The following ZDHHC15 variants were observed in gnomAD, a reference collection of about 807,000 sequenced individuals.
ZDHHC15 encodes palmitoyltransferase ZDHHC15.
In ZDHHC15, 19 loss-of-function variants were observed where a neutral mutation model predicts 31.7. The ratio of observed to expected loss-of-function variants is 0.60; its 90% CI spans 0.42 to 0.88. The LOEUF (loss-of-function observed/expected upper bound fraction) is 0.88, where lower values mean the gene tolerates loss of function less well. ZDHHC15 is among the 40% of genes least tolerant of loss of function. The pLI is 0.00. For missense variants in ZDHHC15, 209 were observed against 251.2 expected (o/e 0.83, Z 1.14); for synonymous variants, 103 against 90.0 (o/e 1.14, Z -0.82).
intron 3 of ZDHHC15, among the ~76,000 whole-genome samples, chrX:75,451,730 T>G (rs1014722853): frequency 1.8e-5 from 2 of 111,727 alleles, no homozygotes; most frequent in Non-Finnish European, 1.9e-5. Context: ...TAATACCTAC[T>G]TCATAATATT....
intron 10 of ZDHHC15, among the ~76,000 whole-genome samples, chrX:75,391,384 A>C (rs1194901806): frequency 8.9e-6 from 1 of 112,023 alleles, no homozygotes; most frequent in African/African-American, 3.2e-5. Flanking sequence ...TAGAAGACCA[A>C]ACAGATTTAA....
intron 8 of ZDHHC15, 87 bp from the exon 9 acceptor site, chrX:75,422,077 A>T: frequency 1.9e-6 from 2 of 1,057,851 alleles, no homozygotes; most frequent in Non-Finnish European, 2.5e-6. Context: ...ACATTTCTCC[A>T]TGTATGTGAC....
chrX:75,492,044 C>T lies in ZDHHC15; in HGVS notation c.164-13059G>A, dbSNP rs753871392. Among the ~76,000 whole-genome samples the T allele has an allele frequency of 1.7e-4, 19 of 111,253 alleles. No individual in the cohort carries two copies. In the South Asian group the frequency reaches 2.3e-3, roughly 13 times the overall value. Reference sequence around the variant, plus strand: ...CCATCAGTGTGCTGTATTCAGGAAACCCATGTCATGTGCAGAGACACATAT... The same window carrying T: ...CCATCAGTGTGCTGTATTCAGGAAATCCATGTCATGTGCAGAGACACATAT... On this transcript the variant is annotated intron_variant, in intron 2 of 11. Coordinates refer to ENST00000373367, the MANE Select transcript of ZDHHC15 (RefSeq NM_144969.3).
chrX:75,492,877 G>A (rs907915508), intron 2 of ZDHHC15, among the ~76,000 whole-genome samples: 2 of 111,275 alleles, frequency 1.8e-5, no homozygotes, highest in African/African-American at 3.3e-5. Context: ...AAGAACTAGA[G>A]AAGCAAGAGC....
At chrX:75,474,414 ATACT>A (rs1329389590) in intron 3 of ZDHHC15, among the ~76,000 whole-genome samples, 1 of 98,732 alleles carries the variant, frequency 1.0e-5, no homozygotes, top group Non-Finnish European at 2.0e-5. Context: ...GTGTGAATTA[ATACT>A]TAATAAACTC....
At chrX:75,459,007 AAAAAC>A (rs1348944850) in intron 3 of ZDHHC15, among the ~76,000 whole-genome samples, 5 of 97,415 alleles carry the variant, frequency 5.1e-5, no homozygotes, top group Admixed American at 4.7e-4. Flanking sequence ...AAAAAAAAAA[AAAAAC>A]AACCCCCAGC....
intron 3 of ZDHHC15, among the ~76,000 whole-genome samples, chrX:75,456,142 G>T (rs1254145231): frequency 9.0e-6 from 1 of 111,499 alleles, no homozygotes; most frequent in Non-Finnish European, 1.9e-5. Flanking sequence ...AGAAAATGTG[G>T]CACATATACA....
intron 9 of ZDHHC15, among the ~76,000 whole-genome samples, chrX:75,419,886 G>A (rs1200203117): frequency 1.0e-5 from 1 of 95,621 alleles, no homozygotes; most frequent in Admixed American, 1.2e-4. Flanking sequence ...ACTTATAGGC[G>A]GGAATTGAAC....
At chrX:75,437,977 C>T (rs1487461060) in intron 4 of ZDHHC15, among the ~76,000 whole-genome samples, 2 of 111,088 alleles carry the variant, frequency 1.8e-5, no homozygotes, top group Non-Finnish European at 1.9e-5. Flanking sequence ...AGGACATGAA[C>T]AGACACTTCT....
chrX:75,475,062 A>AAAAT (rs919953406), intron 3 of ZDHHC15, among the ~76,000 whole-genome samples: 3 of 111,638 alleles, frequency 2.7e-5, no homozygotes, highest in African/African-American at 6.5e-5. Flanking sequence ...CCGTCTCAAA[A>AAAAT]AAATAAATAA....
At chrX:75,518,806 T>C (rs5938088) in intron 1 of ZDHHC15, among the ~76,000 whole-genome samples, 9 of 22,900 alleles carry the variant, frequency 3.9e-4, no homozygotes, top group African/African-American at 8.8e-4. Flanking sequence ...TATATATATA[T>C]ACACACACAC....
intron 10 of ZDHHC15, among the ~76,000 whole-genome samples, chrX:75,411,534 A>C (rs1182537978): frequency 8.9e-6 from 1 of 112,905 alleles, no homozygotes; most frequent in East Asian, 2.8e-4. Context: ...TATAGCTAGA[A>C]GAGAATAATT....
chrX:75,420,359 A>G (rs2083609916), intron 9 of ZDHHC15, among the ~76,000 whole-genome samples: 1 of 111,582 alleles, frequency 9.0e-6, no homozygotes, highest in Admixed American at 9.5e-5. Flanking sequence ...TGTTGGTGGG[A>G]GTGTAAATTA....
chrX:75,407,677 C>A (rs776977138), intron 10 of ZDHHC15, among the ~76,000 whole-genome samples: 42 of 108,316 alleles, frequency 3.9e-4, no homozygotes, highest in Non-Finnish European at 6.8e-4. Flanking sequence ...AGTGAGGAGC[C>A]CCTCTGCCCG....
chrX:75,407,393 G>A (rs1468215287), intron 10 of ZDHHC15, among the ~76,000 whole-genome samples: 1 of 110,544 alleles, frequency 9.0e-6, no homozygotes, highest in Non-Finnish European at 1.9e-5. Context: ...CGTCCAGGAG[G>A]TGGGGGGCAG....
intron 10 of ZDHHC15, among the ~76,000 whole-genome samples, chrX:75,413,594 G>A (rs1240325213): frequency 9.1e-6 from 1 of 109,875 alleles, no homozygotes; most frequent in Non-Finnish European, 1.9e-5. Flanking sequence ...GAGCCCGGGA[G>A]GCAGAGGTTG....
chrX:75,385,446 T>A (rs187447465), intron 10 of ZDHHC15, among the ~76,000 whole-genome samples: 215 of 111,861 alleles, frequency 1.9e-3, no homozygotes, highest in African/African-American at 6.4e-3. Flanking sequence ...ACTCACAGAA[T>A]AAACTTATTA....
intron 3 of ZDHHC15, among the ~76,000 whole-genome samples, chrX:75,475,235 A>G (rs752142395): frequency 8.9e-6 from 1 of 111,803 alleles, no homozygotes; most frequent in Middle Eastern, 4.2e-3. Context: ...ATTTTAAATT[A>G]TGATGTAGTC....
At chrX:75,388,640 G>C (rs1484375184) in intron 10 of ZDHHC15, among the ~76,000 whole-genome samples, 1 of 111,451 alleles carries the variant, frequency 9.0e-6, no homozygotes, top group South Asian at 3.8e-4. Context: ...AAATAACACA[G>C]CTACAAAGGA....
Sources: gnomAD v4.1 joint callset for allele counts (sites outside exome capture counted in the v4.1 genomes callset) on GRCh38, gnomAD v4.1.1 for gene constraint, MANE v1.5 for transcripts, NCBI Gene and HGNC (gene_info 2026-07-23, HGNC 2026-07-21) for gene names.